Variants in COQ3 observed in about 807,000 individuals in gnomAD.
COQ3 encodes the protein coenzyme Q3, methyltransferase, also known as ubiquinone biosynthesis O-methyltransferase, mitochondrial.
A neutral mutation model predicts 33.1 loss-of-function variants in COQ3; 29 were observed. That is an observed-to-expected ratio of 0.88 (90% CI 0.65 to 1.19). COQ3 has a LOEUF of 1.19. Among genes scored for constraint, COQ3 ranks in the 50% most tolerant of loss-of-function variants. The pLI is 0.00. For synonymous variants in COQ3, 173 were observed against 157.8 expected (o/e 1.10, Z -0.72); for missense variants, 437 against 430.7 (o/e 1.01, Z -0.13).
At chr6:99,371,373 A>C (rs544735651) in intron 6 of COQ3, 55 bp downstream of exon 6, 2 of 1,147,930 alleles carry the variant, frequency 1.7e-6, no homozygotes, top group African/African-American at 3.2e-5. Flanking sequence ...AATTACTGGC[A>C]TATTAAAAGT....
At position 99,388,891 on chromosome 6, in the gene COQ3, GCACACACACACACA is replaced by G. The variant is rs59478225; in HGVS notation, c.107-5081_107-5068del. ...ATAAATAAAACACTAATGTATACACGCACACACACACACACACACACACACACACACACACACAC... is the reference window on the plus strand; with the variant it reads ...ATAAATAAAACACTAATGTATACACGCACACACACACACACACACACACAC... On this transcript the variant is annotated intron_variant, in intron 1 of 6. Transcript: ENST00000254759. Among the ~76,000 whole-genome samples the G allele has an allele frequency of 9.8e-4, 104 of 106,318 alleles. 1 individual carries two copies. Among genetic ancestry groups the G allele is most frequent in the South Asian group, 9.4e-3 (29 of 3,076 alleles). 69.7% of individuals were successfully genotyped at this position (106,318 alleles called of 152,430 possible).
chr6:99,383,040 G>A (rs1473192864), intron 2 of COQ3: 2 of 152,268 alleles, frequency 1.3e-5, no homozygotes, highest in African/African-American at 2.4e-5. Context: ...GGCTCAGGCA[G>A]GAGAATCGCT....
intron 2 of COQ3, among the ~76,000 whole-genome samples, chr6:99,381,852 G>A (rs750574076): frequency 6.6e-6 from 1 of 151,706 alleles, no homozygotes; most frequent in Non-Finnish European, 1.5e-5. Flanking sequence ...CTTGAAGCAG[G>A]GAGGTGGAGG....
rs766520251 is a variant in COQ3, at chr6:99,394,156, G to A, written c.24C>T (p.Gly8=). 6.2e-7 allele frequency: 1 copy of A among 1,604,782 alleles called. No individual in the cohort carries two copies. The highest frequency in any genetic ancestry group is 1.7e-5 in the Admixed American group (1 of 58,820). Residue 8 remains glycine, a synonymous_variant, in exon 1 of 7, where the codon GGC becomes GGT. Transcript: ENST00000254759. ...CTCTTAAAAACCAACCCCCGGAGGA[G>A]CCCAGCTTACGGCCACTCCACATCG... MWSGRKL[G]SSGGWFLRVL... is the part of the protein sequence containing the mutation.
intron 1 of COQ3, among the ~76,000 whole-genome samples, chr6:99,385,910 G>A (rs1378857914): frequency 6.6e-6 from 1 of 150,692 alleles, no homozygotes; most frequent in African/African-American, 2.4e-5. Context: ...CTGGGAGATG[G>A]AGGTTGCAGT....
At chr6:99,386,610 A>G (rs1220327820) in intron 1 of COQ3, among the ~76,000 whole-genome samples, 1 of 152,190 alleles carries the variant, frequency 6.6e-6, no homozygotes, top group Non-Finnish European at 1.5e-5. Flanking sequence ...GAAATAAAGA[A>G]AGGATATCAC....
intron 1 of COQ3, among the ~76,000 whole-genome samples, chr6:99,387,169 C>T (rs1774674753): frequency 6.6e-6 from 1 of 152,132 alleles, no homozygotes; most frequent in South Asian, 2.1e-4. Context: ...GAGAAATACA[C>T]CAGGCAGGGT....
chr6:99,369,487 C>T lies in COQ3; in HGVS notation c.*113G>A. On this transcript the variant is annotated 3_prime_UTR_variant, in exon 7 of 7. Coordinates refer to ENST00000254759, the MANE Select transcript of COQ3 (RefSeq NM_017421.4). ...AAAACTTTTGTCCAAGGTTTTAGCC[C>T]TTTTTATTGACCTTCTTTTCTTCAT... The T allele has an allele frequency of 2.3e-6, 2 of 886,634 alleles. No individual in the cohort carries two copies. Among genetic ancestry groups the T allele is most frequent in the South Asian group, 3.4e-5 (2 of 58,366 alleles). 54.9% of individuals were successfully genotyped at this position (886,634 alleles called of 1,614,324 possible).
At chr6:99,374,632 C>T (rs1774235095) in intron 5 of COQ3, among the ~76,000 whole-genome samples, 1 of 152,158 alleles carries the variant, frequency 6.6e-6, no homozygotes, top group African/African-American at 2.4e-5. Context: ...CTTACAGCCA[C>T]ATTCAGAGAA....
At chr6:99,389,585 T>C (rs961477333) in intron 1 of COQ3, among the ~76,000 whole-genome samples, 1 of 152,216 alleles carries the variant, frequency 6.6e-6, no homozygotes, top group African/African-American at 2.4e-5. Flanking sequence ...CTACTAGATT[T>C]GTATGTAAGA....
intron 2 of COQ3, among the ~76,000 whole-genome samples, chr6:99,383,424 G>A (rs935788491): frequency 2.0e-5 from 3 of 152,144 alleles, no homozygotes; most frequent in African/African-American, 7.2e-5. Context: ...CTAAGTAATA[G>A]CCTTATATTG....
At chr6:99,374,122 CAAAAAAAA>C (rs146515261) in intron 5 of COQ3, among the ~76,000 whole-genome samples, 6 of 86,464 alleles carry the variant, frequency 6.9e-5, no homozygotes, top group South Asian at 4.0e-4. Context: ...CTGACATTAG[CAAAAAAAA>C]AAAAAAAAAA....
chr6:99,369,612 CT>C lies in COQ3; in HGVS notation c.1097del (p.Lys366SerfsTer2), dbSNP rs747897261. 903 of 1,612,684 alleles carry C rather than the reference CT, an allele frequency of 5.6e-4. 3 individuals are homozygous for C. The Middle Eastern group carries it at 6.9e-3, about 12-fold the overall frequency. ...NACTNPAVHEKLKK is the reference protein window; with the variant it reads ...NACTNPAVHEXLKK ...TCTCAGAAACAATTCATTTCTTCAG[CT>C]TTTCATGCACAGCTGGATTGGTGCA... On this transcript the variant is annotated frameshift_variant, in exon 7 of 7. Transcript: ENST00000254759. LOFTEE classifies it high-confidence loss of function.
In COQ3 at chr6:99,383,798, T is replaced by G. The variant is rs1774540289; in HGVS notation, c.133A>C (p.Thr45Pro). The G allele has an allele frequency of 1.3e-6, 2 of 1,587,180 alleles. No individual in the cohort carries two copies. Among genetic ancestry groups the G allele is most frequent in the East Asian group, 4.6e-5 (2 of 43,872 alleles). Residue 45 changes from threonine to proline, a missense_variant, in exon 2 of 7, where the codon ACT (threonine) becomes CCT (proline). By Grantham distance (38) the Thr-to-Pro change is conservative. Transcript: ENST00000254759. Reference sequence around the variant, plus strand: ...AAAACCCCTGGTTTAATCTGTAGAGTCCCACTGAGCTGGTTCTTCACATAA... The same window carrying G: ...AAAACCCCTGGTTTAATCTGTAGAGGCCCACTGAGCTGGTTCTTCACATAA... ...AVYVKNQLSGTLQIKPGVFNE... is the reference protein window; with the variant it reads ...AVYVKNQLSGPLQIKPGVFNE...
chr6:99,390,142 A>G (rs1554209143), intron 1 of COQ3, among the ~76,000 whole-genome samples: 1 of 152,134 alleles, frequency 6.6e-6, no homozygotes, highest in Non-Finnish European at 1.5e-5. Flanking sequence ...ATTAAATTAC[A>G]TAGGTTATTT....
intron 1 of COQ3, 78 bp from the exon 2 acceptor site, chr6:99,383,902 AT>A: frequency 8.9e-7 from 1 of 1,120,042 alleles, no homozygotes; most frequent in Non-Finnish European, 1.2e-6. Flanking sequence ...TGAAGATTCT[AT>A]TTTATTTTAT....
At chr6:99,370,344 C>CTTTT in intron 6 of COQ3, among the ~76,000 whole-genome samples, 2,478 of 101,136 alleles carry the variant, frequency 0.025, 245 homozygotes, top group African/African-American at 0.079. Context: ...CTTTTCTTTA[C>CTTTT]TTTTTTTTTT....
intron 2 of COQ3, among the ~76,000 whole-genome samples, chr6:99,383,334 A>G (rs1429002782): frequency 6.6e-6 from 1 of 152,362 alleles, no homozygotes; most frequent in Non-Finnish European, 1.5e-5. Context: ...ATTAGGTATT[A>G]TAAGTAATAT....
Position 99,369,408 on chromosome 6 carries a change from A to T in COQ3, c.*192T>A, listed in dbSNP as rs1232291931. ...CACTCCTAGATCACGCAATATCTTGACAAAACTTTTTATTCACAGAATCCC... is the reference window on the plus strand; with the variant it reads ...CACTCCTAGATCACGCAATATCTTGTCAAAACTTTTTATTCACAGAATCCC... On this transcript the variant is annotated 3_prime_UTR_variant, in exon 7 of 7. Transcript: ENST00000254759. The T allele has an allele frequency of 1.8e-6, 1 of 571,190 alleles. No homozygotes were observed. The highest frequency in any genetic ancestry group is 1.9e-5 in the African/African-American group (1 of 53,406). 35.4% of individuals were successfully genotyped at this position (571,190 alleles called of 1,614,324 possible).
Sources: allele counts gnomAD v4.1 joint callset (sites outside exome capture counted in the v4.1 genomes callset), GRCh38; gene constraint gnomAD v4.1.1; transcripts MANE v1.5; gene names NCBI Gene and HGNC (gene_info 2026-07-23, HGNC 2026-07-21).